FBXO33: variants seen among roughly 807,000 people sequenced by gnomAD.
FBXO33 encodes F-box protein 33.
A neutral mutation model predicts 46.3 loss-of-function variants in FBXO33; 22 were observed. That is an observed-to-expected ratio of 0.48 (90% CI 0.34 to 0.68). The LOEUF (loss-of-function observed/expected upper bound fraction) is 0.68. Among genes scored for constraint, FBXO33 ranks in the 30% least tolerant of loss-of-function variants. The pLI is 0.01. For missense variants in FBXO33, 692 were observed against 708.8 expected, an observed-to-expected ratio of 0.98 and a Z score of 0.27; for synonymous variants, 337 against 291.3, an observed-to-expected ratio of 1.16 and a Z score of -1.60.
chr14:39,421,976 G>A (rs2075487386), intron 1 of FBXO33, among the ~76,000 whole-genome samples: 1 of 152,188 alleles, frequency 6.6e-6, no homozygotes, highest in Admixed American at 6.5e-5. Flanking sequence ...AATAAATACA[G>A]ACCAGGCACA....
chr14:39,404,214 A>G (rs1340943661), intron 1 of FBXO33, among the ~76,000 whole-genome samples: 1 of 152,224 alleles, frequency 6.6e-6, no homozygotes, highest in African/African-American at 2.4e-5. Context: ...GCTATATACT[A>G]GAGACACAAT....
At chr14:39,417,989 G>A (rs1164582262) in intron 1 of FBXO33, among the ~76,000 whole-genome samples, 1 of 152,082 alleles carries the variant, frequency 6.6e-6, no homozygotes, top group Non-Finnish European at 1.5e-5. Flanking sequence ...TCCCAATTTT[G>A]TAGAAGGATG....
intron 1 of FBXO33, among the ~76,000 whole-genome samples, chr14:39,408,260 A>AT (rs1567074224): frequency 1.3e-5 from 2 of 152,156 alleles, no homozygotes; most frequent in East Asian, 3.9e-4. Flanking sequence ...TTTATTTTTG[A>AT]TAATAGACAT....
chr14:39,427,091 A>G (rs979770977), intron 1 of FBXO33, among the ~76,000 whole-genome samples: 1 of 152,262 alleles, frequency 6.6e-6, no homozygotes, highest in African/African-American at 2.4e-5. Flanking sequence ...AGGCTGCCTC[A>G]GAACTAACAA....
chr14:39,401,593 T>G lies in FBXO33; in HGVS notation c.979A>C (p.Thr327Pro). ...DFTAEMARVL[T>P]DSNHVPLQRL... ...TGCAAAGGCACATGGTTGCTATCAG[T>G]TAAGACTCTTGCCATCTCAGCTGTA... is the stretch of plus-strand genomic sequence containing the variant. The change falls in exon 3 of 4, where the codon ACT becomes CCT. Residue 327 changes from threonine to proline, a missense_variant. Physicochemically the swap from Thr to Pro is conservative, Grantham distance 38 (BLOSUM62 -1). Transcript: ENST00000298097. 6.2e-7 allele frequency: 1 copy of G among 1,614,130 alleles called. No homozygotes were observed. The highest frequency in any genetic ancestry group is 2.2e-5 in the East Asian group (1 of 44,888).
At position 39,432,076 on chromosome 14, in the gene FBXO33, C is replaced by A. The variant is rs2075562700; in HGVS notation, c.87G>T (p.Arg29=). 19 of 1,241,998 alleles carry A rather than the reference C, an allele frequency of 1.5e-5. No individual in the cohort carries two copies. Among genetic ancestry groups the A allele is most frequent in the East Asian group, 3.2e-5 (1 of 31,148 alleles). 76.9% of individuals were successfully genotyped at this position (1,241,998 alleles called of 1,614,324 possible). ...AGAARVARWR[R]LRLQQLRRLR... Reference sequence around the variant, plus strand: ...GCCGTCGCAGCTGCTGCAGCCGCAGCCGCCGCCACCGCGCCACCCGGGCGG... The same window carrying A: ...GCCGTCGCAGCTGCTGCAGCCGCAGACGCCGCCACCGCGCCACCCGGGCGG... Residue 29 remains arginine (R), a synonymous_variant, in exon 1 of 4, where the codon CGG becomes CGT. Transcript: ENST00000298097.
chr14:39,399,522 G>A lies in FBXO33; in HGVS notation c.1662C>T (p.Asp554=). 2 of 1,607,296 alleles carry A rather than the reference G, an allele frequency of 1.2e-6. No individual in the cohort carries two copies. The highest frequency in any genetic ancestry group is 1.7e-6 in the Non-Finnish European group (2 of 1,175,534). Residue 554 remains aspartate, a synonymous_variant, in exon 4 of 4, where the codon GAC becomes GAT. Transcript: ENST00000298097. ...ATTCTACATTAAAAAAAAGCTAAAT[G>A]TCTTCACTGAAGCTTTGCATCTCTC... ...FYREMQSFSE[D]I is the part of the protein sequence containing the mutation.
At chr14:39,423,959 C>G (rs1294846851) in intron 1 of FBXO33, among the ~76,000 whole-genome samples, 1 of 152,228 alleles carries the variant, frequency 6.6e-6, no homozygotes. Flanking sequence ...CTGCCTCCCT[C>G]TCCAGTCTTG....
chr14:39,419,631 A>G (rs2075470502), intron 1 of FBXO33, among the ~76,000 whole-genome samples: 2 of 152,246 alleles, frequency 1.3e-5, no homozygotes, highest in Admixed American at 1.3e-4. Flanking sequence ...ATTAAGGTGA[A>G]CTCAGTAACC....
chr14:39,411,502 C>A (rs920156683), intron 1 of FBXO33, among the ~76,000 whole-genome samples: 2 of 150,652 alleles, frequency 1.3e-5, no homozygotes, highest in Non-Finnish European at 1.5e-5. Context: ...TTATTTGTAT[C>A]AAGATATTAT....
At chr14:39,408,123 T>C (rs1281563914) in intron 1 of FBXO33, among the ~76,000 whole-genome samples, 1 of 151,986 alleles carries the variant, frequency 6.6e-6, no homozygotes, top group African/African-American at 2.4e-5. Context: ...TTTGTATTTT[T>C]TAGTAGAGAC....
chr14:39,417,513 G>A (rs1394982068), intron 1 of FBXO33, among the ~76,000 whole-genome samples: 1 of 151,694 alleles, frequency 6.6e-6, no homozygotes, highest in Non-Finnish European at 1.5e-5. Context: ...TTCTTATAAA[G>A]GTATTTTAGT....
At chr14:39,418,445 C>T (rs1178098266) in intron 1 of FBXO33, among the ~76,000 whole-genome samples, 1 of 151,234 alleles carries the variant, frequency 6.6e-6, no homozygotes, top group Admixed American at 6.6e-5. Context: ...CCTTTAAGTT[C>T]ATAAGAACTT....
At chr14:39,422,792 A>G (rs1173888862) in intron 1 of FBXO33, among the ~76,000 whole-genome samples, 1 of 152,210 alleles carries the variant, frequency 6.6e-6, no homozygotes, top group Non-Finnish European at 1.5e-5. Flanking sequence ...CAAAATGTCA[A>G]ATTGGAATTT....
At chr14:39,417,070 T>C (rs2075452017) in intron 1 of FBXO33, among the ~76,000 whole-genome samples, 1 of 152,192 alleles carries the variant, frequency 6.6e-6, no homozygotes, top group Non-Finnish European at 1.5e-5. Context: ...TGAATTGAGA[T>C]GGAAACGAGC....
chr14:39,402,464 T>A lies in FBXO33; in HGVS notation c.647A>T (p.Gln216Leu). The change falls in exon 2 of 4, where the codon CAG becomes CTG. Residue 216 changes from glutamine (Q) to leucine (L), a missense_variant. Gln to Leu is a moderately radical substitution (Grantham distance 113). This residue lies in a region of FBXO33 where 412 missense variants were observed against 370.8 expected (regional missense o/e 1.11). Coordinates refer to ENST00000298097, the MANE Select transcript of FBXO33 (RefSeq NM_203301.4). The part of the protein sequence containing the change: ...SLFGDISVLQ[Q>L]QGSLSNTYLS... ...GTATGTATTTGACAAACTTCCTTGC[T>A]GTTGTAGAACACTTATGTCTCCAAA... 6.3e-7 allele frequency: 1 copy of A among 1,582,648 alleles called. No homozygotes were observed. The highest frequency in any genetic ancestry group is 1.4e-5 in the African/African-American group (1 of 73,766).
chr14:39,411,461 G>A (rs1001810544), intron 1 of FBXO33, among the ~76,000 whole-genome samples: 2 of 151,692 alleles, frequency 1.3e-5, no homozygotes, highest in African/African-American at 2.4e-5. Flanking sequence ...TTTGCCACTT[G>A]CTATAAGTTT....
chr14:39,403,375 C>T (rs79630617), intron 1 of FBXO33, among the ~76,000 whole-genome samples: 3 of 152,248 alleles, frequency 2.0e-5, no homozygotes, highest in East Asian at 1.9e-4. Context: ...CGGGGGGAAT[C>T]GCTTGAGGTC....
At chr14:39,422,314 T>C (rs796713903) in intron 1 of FBXO33, among the ~76,000 whole-genome samples, 1 of 152,336 alleles carries the variant, frequency 6.6e-6, no homozygotes, top group African/African-American at 2.4e-5. Flanking sequence ...TCATCACTTC[T>C]GTTGCTCATG....
Sources: allele counts gnomAD v4.1 joint callset (sites outside exome capture counted in the v4.1 genomes callset), GRCh38; gene constraint gnomAD v4.1.1; regional missense constraint gnomAD v4.1.1; transcripts MANE v1.5; gene names NCBI Gene and HGNC (gene_info 2026-07-23, HGNC 2026-07-21).